The following DMXL2 variants were observed in gnomAD, a reference collection of about 807,000 sequenced individuals.
DMXL2 encodes Dmx like 2, also known as dmX-like protein 2.
DMXL2 carries 103 observed loss-of-function variants against 331.1 expected under a neutral mutation model. That is an observed-to-expected ratio of 0.31 (90% confidence interval 0.27 to 0.37). DMXL2 has a LOEUF of 0.37. Among genes scored for constraint, DMXL2 ranks in the 10% least tolerant of loss-of-function variants. DMXL2 has a pLI of 1.00. For synonymous variants in DMXL2, 1,281 were observed against 1,252.1 expected, an observed-to-expected ratio of 1.02 and a Z score of -0.49; for missense variants, 3,171 against 3,642.9, an observed-to-expected ratio of 0.87 and a Z score of 3.33.
Position 51,481,259 on chromosome 15 carries a change from G to C in DMXL2, c.5847C>G (p.Gly1949=), listed in dbSNP as rs563188842. The C allele has an allele frequency of 3.0e-5, 48 of 1,613,806 alleles. No individual in the cohort carries two copies. Among genetic ancestry groups the C allele is most frequent in the Non-Finnish European group, 4.0e-5 (47 of 1,179,894 alleles). The change falls in exon 24 of 44, where the codon GGC becomes GGG. Residue 1949 remains glycine, a synonymous_variant. Coordinates refer to ENST00000560891, the MANE Select transcript of DMXL2 (RefSeq NM_001378457.1). ...ATGAAGTTACATTTGACCATTCAAT[G>C]CCAGAACTTCCATTGCCATCACTCA... is the stretch of plus-strand genomic sequence containing the variant. ...KALSDGNGSS[G]IEWSNVTSSQ... is the part of the protein sequence containing the mutation.
rs760537412 is a variant in DMXL2 at position 51,486,363 on chromosome 15, T to C, written c.5218-26A>G. ...CTGCAAATTTAAATATTAATACTTA[T>C]CTTACTTAATGATAATTATTTAGAG... is the stretch of plus-strand genomic sequence containing the variant. On this transcript the variant is annotated intron_variant, in intron 22 of 43. Coordinates refer to ENST00000560891, the MANE Select transcript of DMXL2 (RefSeq NM_001378457.1). 3.4e-6 allele frequency: 5 copies of C among 1,458,110 alleles called. No individual in the cohort carries two copies. In the African/African-American group the frequency reaches 4.3e-5, roughly 12 times the overall value. The allele number at this position is 1,458,110 out of a possible 1,614,324, so 90.3% of individuals were successfully genotyped here.
chr15:51,622,409 C>G, intron 1 of DMXL2, 50 bp downstream of exon 1: 2 of 1,549,590 alleles, frequency 1.3e-6, no homozygotes, highest in Non-Finnish European at 1.7e-6. Context: ...GTCCCTGCCC[C>G]CGCGTCTGGC....
At chr15:51,474,713 T>A in intron 27 of DMXL2, 121 bp from the exon 28 acceptor site, 1 of 1,108,442 alleles carries the variant, frequency 9.0e-7, no homozygotes, top group Non-Finnish European at 1.2e-6. Flanking sequence ...TTTCCATAAT[T>A]TGAGCAACAA....
chr15:51,472,231 C>G (rs902527998), intron 28 of DMXL2, among the ~76,000 whole-genome samples: 2 of 152,120 alleles, frequency 1.3e-5, no homozygotes, highest in Non-Finnish European at 2.9e-5. Context: ...CTCAACTCTT[C>G]TATCTTCCCT....
chr15:51,490,852 C>T (rs1264969626), intron 20 of DMXL2, among the ~76,000 whole-genome samples: 1 of 152,138 alleles, frequency 6.6e-6, no homozygotes, highest in Non-Finnish European at 1.5e-5. Context: ...TGTTTTTATC[C>T]AATGAGATTT....
At chr15:51,612,052 G>A (rs915128371) in intron 1 of DMXL2, among the ~76,000 whole-genome samples, 3 of 152,202 alleles carry the variant, frequency 2.0e-5, no homozygotes, top group Non-Finnish European at 4.4e-5. Context: ...ATCTTTAAGA[G>A]CTGTAACATT....
chr15:51,499,792 A>T lies in DMXL2; in HGVS notation c.3432T>A (p.Asn1144Lys). Residue 1144 changes from asparagine to lysine, a missense_variant, in exon 18 of 44, where the codon AAT becomes AAA. Transcript: ENST00000560891. ...CATCTGACTTGCTATACACAAACAG[A>T]TTACTGTCGACGCTGACCCTTGAAT... is the stretch of plus-strand genomic sequence containing the variant. The part of the protein sequence containing the change: ...VLDSRVSVDS[N>K]LFVYSKSDAL... The T allele has an allele frequency of 6.2e-7, 1 of 1,614,178 alleles. No individual in the cohort carries two copies. Among genetic ancestry groups the T allele is most frequent in the Non-Finnish European group, 8.5e-7 (1 of 1,180,026 alleles).
intron 1 of DMXL2, among the ~76,000 whole-genome samples, chr15:51,588,456 G>A (rs2052029342): frequency 6.6e-6 from 1 of 152,134 alleles, no homozygotes. Context: ...GGGATTACAG[G>A]TGTGAGCTGC....
chr15:51,508,311 G>A (rs963136127), intron 15 of DMXL2, among the ~76,000 whole-genome samples: 2 of 152,116 alleles, frequency 1.3e-5, no homozygotes, highest in African/African-American at 4.8e-5. Flanking sequence ...ATCTATCGCA[G>A]AACTTAAAGT....
intron 1 of DMXL2, among the ~76,000 whole-genome samples, chr15:51,612,079 G>A (rs554783791): frequency 5.9e-5 from 9 of 152,264 alleles, no homozygotes; most frequent in East Asian, 1.9e-4. Context: ...GAAGGTCTGC[G>A]GCTCCATTCT....
intron 6 of DMXL2, among the ~76,000 whole-genome samples, chr15:51,551,031 T>C (rs997411418): frequency 3.3e-5 from 5 of 152,044 alleles, no homozygotes; most frequent in African/African-American, 1.2e-4. Context: ...GGAAAATGCC[T>C]TCTAGTGGGA....
intron 20 of DMXL2, among the ~76,000 whole-genome samples, chr15:51,489,654 C>T (rs1427851083): frequency 6.9e-6 from 1 of 145,008 alleles, no homozygotes; most frequent in African/African-American, 2.6e-5. Context: ...GACTCTGTCT[C>T]AAAGAAAAAA....
chr15:51,568,530 C>A lies in DMXL2; in HGVS notation c.242G>T (p.Cys81Phe). The A allele has an allele frequency of 6.3e-7, 1 of 1,580,868 alleles. No individual in the cohort carries two copies. The highest frequency in any genetic ancestry group is 2.0e-5 in the Admixed American group (1 of 49,440). Residue 81 changes from cysteine to phenylalanine, a missense_variant, in exon 3 of 44, where the codon TGT becomes TTT. Physicochemically the swap from Cys to Phe is radical, Grantham distance 205. This residue lies in a region of DMXL2 where 1,674 missense variants were observed against 1,780.2 expected (regional missense o/e 0.94). Transcript: ENST00000560891. ...ATTTATGCCCAAGGGCTCAAATATA[C>A]AAACAGCATTACCATATGAAGCTGC... ...RIAASYGNAV[C>F]IFEPLGINSH...
chr15:51,506,917 T>G (rs1411625044), intron 16 of DMXL2, among the ~76,000 whole-genome samples: 1 of 152,230 alleles, frequency 6.6e-6, no homozygotes, highest in Non-Finnish European at 1.5e-5. Context: ...TTTTATTTTT[T>G]TTCAATATGT....
At chr15:51,518,241 G>A (rs780963965) in intron 13 of DMXL2, among the ~76,000 whole-genome samples, 11 of 152,104 alleles carry the variant, frequency 7.2e-5, no homozygotes, top group Non-Finnish European at 1.6e-4. Context: ...GCTGAGGCAG[G>A]AAAATCACCT....
At chr15:51,546,239 C>G (rs1250557235) in intron 7 of DMXL2, among the ~76,000 whole-genome samples, 1 of 151,968 alleles carries the variant, frequency 6.6e-6, no homozygotes. Flanking sequence ...AAATCCATTT[C>G]CATTAAGTTA....
chr15:51,507,274 A>T (rs1262390196), intron 15 of DMXL2, 21 bp from the exon 16 acceptor site: 1 of 1,594,058 alleles, frequency 6.3e-7, no homozygotes, highest in South Asian at 1.1e-5. Context: ...AAGGAAAAGG[A>T]TATTTAAATT....
chr15:51,573,149 C>T (rs989091330), intron 2 of DMXL2, among the ~76,000 whole-genome samples: 98 of 152,164 alleles, frequency 6.4e-4, no homozygotes, highest in Non-Finnish European at 1.6e-4. Context: ...AATGAGATAC[C>T]ATCTCACATC....
chr15:51,480,941 T>A lies in DMXL2; in HGVS notation c.6165A>T (p.Leu2055Phe). ...RACLKILMTE[L>F]RTLATGYEVD... Reference sequence around the variant, plus strand: ...CTTCATAACCTGTAGCCAATGTTCTTAATTCAGTCATAAGGATCTTTAAAC... The same window carrying A: ...CTTCATAACCTGTAGCCAATGTTCTAAATTCAGTCATAAGGATCTTTAAAC... The change falls in exon 24 of 44, where the codon TTA (leucine) becomes TTT (phenylalanine). Residue 2055 changes from leucine to phenylalanine, a missense_variant. Coordinates refer to ENST00000560891, the MANE Select transcript of DMXL2 (RefSeq NM_001378457.1). 6.2e-7 allele frequency: 1 copy of A among 1,613,826 alleles called. No individual in the cohort carries two copies. Among genetic ancestry groups the A allele is most frequent in the Non-Finnish European group, 8.5e-7 (1 of 1,179,836 alleles).
Sources: allele counts gnomAD v4.1 joint callset (sites outside exome capture counted in the v4.1 genomes callset), GRCh38; gene constraint gnomAD v4.1.1; regional missense constraint gnomAD v4.1.1; transcripts MANE v1.5; gene names NCBI Gene and HGNC (gene_info 2026-07-23, HGNC 2026-07-21).